CDK6: variants seen among roughly 807,000 people sequenced by gnomAD.
The protein encoded by CDK6 is cyclin-dependent kinase 6.
In CDK6, 6 loss-of-function variants were observed where a neutral mutation model predicts 37.1. That is an observed-to-expected ratio of 0.16 (90% confidence interval 0.09 to 0.32). The LOEUF (loss-of-function observed/expected upper bound fraction) is 0.32, where lower values mean the gene tolerates loss of function less well. Ranked by LOEUF, CDK6 falls within the 10% of genes least tolerant of loss-of-function variation. The probability of loss-of-function intolerance (pLI) is 1.00; values close to 1 mark genes in which losing one functional copy is unlikely to be tolerated. For synonymous variants in CDK6, 160 were observed against 161.3 expected (o/e 0.99, Z 0.06); for missense variants, 224 against 418.9 (o/e 0.53, Z 4.06).
At chr7:92,725,421 G>A (rs1798487957) in intron 4 of CDK6, 2 of 752,574 alleles carry the variant, frequency 2.7e-6, no homozygotes, top group Admixed American at 6.3e-5. Flanking sequence ...AATGGATCCT[G>A]TCCACAACAA....
chr7:92,703,699 C>T (rs1286770615), intron 4 of CDK6, among the ~76,000 whole-genome samples: 2 of 152,166 alleles, frequency 1.3e-5, no homozygotes, highest in Non-Finnish European at 2.9e-5. Flanking sequence ...TCCTGGATTA[C>T]TTACATTTCT....
intron 2 of CDK6, among the ~76,000 whole-genome samples, chr7:92,782,391 C>G (rs1254661443): frequency 6.6e-6 from 1 of 152,226 alleles, no homozygotes; most frequent in East Asian, 1.9e-4. Flanking sequence ...AGGAACTACT[C>G]CTGTCCTAGA....
intron 4 of CDK6, among the ~76,000 whole-genome samples, chr7:92,698,946 G>C (rs1460473571): frequency 6.6e-6 from 1 of 151,868 alleles, no homozygotes; most frequent in East Asian, 1.9e-4. Flanking sequence ...TTCCTATATG[G>C]GCTCTGGCTT....
chr7:92,644,702 T>A (rs1339215103), intron 5 of CDK6, among the ~76,000 whole-genome samples: 1 of 152,222 alleles, frequency 6.6e-6, no homozygotes, highest in Non-Finnish European at 1.5e-5. Flanking sequence ...AAGCTCATAC[T>A]TTAATTATTG....
At chr7:92,767,057 G>A (rs1462838299) in intron 3 of CDK6, among the ~76,000 whole-genome samples, 1 of 152,090 alleles carries the variant, frequency 6.6e-6, no homozygotes, top group Non-Finnish European at 1.5e-5. Context: ...GCTTTAGGCT[G>A]TCTCCAACCT....
Position 92,607,248 on chromosome 7 carries a change from TTCA to T in CDK6, c.*7889_*7891del, listed in dbSNP as rs1192586318. The T allele has an allele frequency of 4.3e-6, 1 of 233,618 alleles. No homozygotes were observed. Among genetic ancestry groups the T allele is most frequent in the Non-Finnish European group, 8.5e-6 (1 of 118,110 alleles). 14.5% of individuals were successfully genotyped at this position (233,618 alleles called of 1,614,324 possible). A position where few individuals can be genotyped will look rare whatever the true frequency, so the allele number is the denominator to read the frequency against. The stretch of plus-strand genomic sequence containing the variant: ...CACTACATCACGTGAGGGAAGCTTC[TTCA>T]TGAGGGCAGACAAGAGGAGGCACCA... On this transcript the variant is annotated 3_prime_UTR_variant, in exon 8 of 8. Transcript: ENST00000424848.
At chr7:92,715,862 A>G (rs755627863) in intron 4 of CDK6, among the ~76,000 whole-genome samples, 1 of 152,214 alleles carries the variant, frequency 6.6e-6, no homozygotes, top group Non-Finnish European at 1.5e-5. Flanking sequence ...TTGGGACACT[A>G]TGGTTTCTCC....
intron 4 of CDK6, among the ~76,000 whole-genome samples, chr7:92,695,041 T>C (rs10225660): frequency 0.12 from 17,612 of 152,030 alleles, 2,171 homozygotes; most frequent in East Asian, 0.33. Flanking sequence ...ACACATGATA[T>C]CTCTGGAAAT....
At chr7:92,819,774 T>A (rs1801124345) in intron 2 of CDK6, among the ~76,000 whole-genome samples, 1 of 151,904 alleles carries the variant, frequency 6.6e-6, no homozygotes, top group South Asian at 2.1e-4. Flanking sequence ...TGTTTTGAAG[T>A]TAAAAATATT....
chr7:92,726,190 AAT>A (rs1175093143), intron 3 of CDK6, among the ~76,000 whole-genome samples: 2 of 152,104 alleles, frequency 1.3e-5, no homozygotes, highest in Admixed American at 6.6e-5. Context: ...AGTGAATAAT[AAT>A]ATTGTTATTA....
chr7:92,682,010 C>T (rs1160088088), intron 4 of CDK6, among the ~76,000 whole-genome samples: 5 of 152,170 alleles, frequency 3.3e-5, no homozygotes, highest in South Asian at 2.1e-4. Flanking sequence ...TAAGCAAAAT[C>T]GCTACCTACC....
chr7:92,787,751 AGAGAAACAAC>A (rs1436974506), intron 2 of CDK6, among the ~76,000 whole-genome samples: 1 of 152,166 alleles, frequency 6.6e-6, no homozygotes, highest in Non-Finnish European at 1.5e-5. Context: ...ACGAAACAAA[AGAGAAACAAC>A]GATGGCTCAC....
intron 1 of CDK6, 124 bp downstream of exon 1, chr7:92,836,354 C>T (rs375306151): frequency 5.4e-5 from 8 of 148,702 alleles, no homozygotes; most frequent in Non-Finnish European, 7.5e-5. Flanking sequence ...ACAGGTCCCC[C>T]CCACCCCCCG....
intron 3 of CDK6, among the ~76,000 whole-genome samples, chr7:92,771,678 C>T (rs1437137153): frequency 2.0e-5 from 3 of 152,052 alleles, no homozygotes; most frequent in Admixed American, 2.0e-4. Flanking sequence ...ATTTTGTGTC[C>T]CTGAACTGCC....
chr7:92,807,901 A>C (rs1310297629), intron 2 of CDK6, among the ~76,000 whole-genome samples: 1 of 152,172 alleles, frequency 6.6e-6, no homozygotes, highest in African/African-American at 2.4e-5. Flanking sequence ...ATATATCTTG[A>C]AGTATCTTCT....
rs185235998 is a variant in CDK6 at position 92,771,740 on chromosome 7, A to G, written c.369+2956T>C. On this transcript the variant is annotated intron_variant, in intron 3 of 7. Transcript: ENST00000424848. ...TGAATATTCAATAAATATCTGTACG[A>G]GTATAGTCAGAGAAGCTCTTATTCC... Among the ~76,000 whole-genome samples the G allele has an allele frequency of 3.5e-3, 527 of 152,336 alleles. 1 individual carries two copies. The highest frequency in any genetic ancestry group is 6.7e-3 in the Non-Finnish European group (455 of 68,032).
chr7:92,675,268 T>G (rs529608244), intron 4 of CDK6, among the ~76,000 whole-genome samples: 6 of 152,208 alleles, frequency 3.9e-5, no homozygotes, highest in Non-Finnish European at 8.8e-5. Context: ...AATAACAATA[T>G]TGATATGTTA....
intron 4 of CDK6, among the ~76,000 whole-genome samples, chr7:92,686,840 T>C (rs1797467197): frequency 6.6e-6 from 1 of 152,132 alleles, no homozygotes; most frequent in South Asian, 2.1e-4. Flanking sequence ...AGTATTGCAT[T>C]GTGGTTTTGA....
chr7:92,747,577 C>T (rs932850373), intron 3 of CDK6, among the ~76,000 whole-genome samples: 1 of 152,212 alleles, frequency 6.6e-6, no homozygotes, highest in African/African-American at 2.4e-5. Context: ...TCTCTGGCTT[C>T]TGCTGGCTTG....
Sources: gnomAD v4.1 joint callset for allele counts (sites outside exome capture counted in the v4.1 genomes callset) on GRCh38, gnomAD v4.1.1 for gene constraint, MANE v1.5 for transcripts, NCBI Gene and HGNC (gene_info 2026-07-23, HGNC 2026-07-21) for gene names.